Variants in TRIOBP observed in about 807,000 individuals in gnomAD.
TRIOBP encodes TRIO and F-actin-binding protein.
TRIOBP carries 169 observed loss-of-function variants against 238.8 expected under a neutral mutation model. The observed-to-expected ratio is 0.71, with a 90% confidence interval of 0.62 to 0.80. The LOEUF is 0.80. TRIOBP is among the 30% of genes least tolerant of loss of function. The probability of loss-of-function intolerance (pLI) is 0.00; values close to 1 mark genes in which losing one functional copy is unlikely to be tolerated. For missense variants in TRIOBP, 2,838 were observed against 3,122.6 expected (o/e 0.91, Z 2.17); for synonymous variants, 1,150 against 1,274.4 (o/e 0.90, Z 2.08).
At chr22:37,742,543 G>GT (rs1338559420) in intron 11 of TRIOBP, among the ~76,000 whole-genome samples, 2 of 152,176 alleles carry the variant, frequency 1.3e-5, no homozygotes, top group Admixed American at 1.3e-4. Context: ...GATTACAGGC[G>GT]TGAGTCACCC....
rs1335417864 is a variant in TRIOBP at position 37,723,837 on chromosome 22, C to G, written c.1281C>G (p.Asn427Lys). ...TSSPNRATRD[N>K]PRTSCAQRDN... ...CTCCCAATAGAGCCACACGAGACAA[C>G]CCCAGAACATCCTGCGCCCAGCGGG... The change falls in exon 7 of 24, where the codon AAC becomes AAG. Residue 427 changes from asparagine to lysine, a missense_variant. Coordinates refer to ENST00000644935, the MANE Select transcript of TRIOBP (RefSeq NM_001039141.3). The G allele has an allele frequency of 6.3e-7, 1 of 1,596,188 alleles. No homozygotes were observed.
chr22:37,760,530 A>G (rs1926188994), intron 17 of TRIOBP, among the ~76,000 whole-genome samples: 1 of 152,252 alleles, frequency 6.6e-6, no homozygotes, highest in South Asian at 2.1e-4. Flanking sequence ...TTTAGGAAGT[A>G]ATAAATTTGA....
In TRIOBP at chr22:37,769,249, G is replaced by A. The variant is rs780863528; in HGVS notation, c.6736-13G>A. The A allele has an allele frequency of 1.2e-5, 19 of 1,607,698 alleles. No homozygotes were observed. The highest frequency in any genetic ancestry group is 2.2e-5 in the East Asian group (1 of 44,476). On this transcript the variant is annotated splice_polypyrimidine_tract_variant and intron_variant, in intron 20 of 23. Transcript: ENST00000644935. ...TCCCGGCACCCCTCCCCTGACCACC[G>A]TGCCTCTCCCAGGAGCTGCATGGCC...
intron 12 of TRIOBP, among the ~76,000 whole-genome samples, chr22:37,752,831 G>A (rs914132786): frequency 4.6e-5 from 7 of 152,104 alleles, no homozygotes; most frequent in African/African-American, 9.7e-5. Context: ...TGGAATGTCC[G>A]AACTGGAAGG....
chr22:37,751,119 C>T, intron 11 of TRIOBP: 1 of 436,738 alleles, frequency 2.3e-6, no homozygotes, highest in Non-Finnish European at 4.7e-6. Flanking sequence ...GTGGGGGTGC[C>T]TGGCACAGGT....
At chr22:37,768,936 A>G in intron 19 of TRIOBP, 92 bp from the exon 20 acceptor site, 1 of 1,571,578 alleles carries the variant, frequency 6.4e-7, no homozygotes, top group Non-Finnish European at 8.7e-7. Context: ...GGAACCCCAG[A>G]GTCCTGGGAT....
At position 37,723,643 on chromosome 22, in the gene TRIOBP, A is replaced by G. The variant is rs771003885; in HGVS notation, c.1087A>G (p.Asn363Asp). ...CAGAACCTCTTCTACCCAGCAGGACAACCCCCAAACTTCTTTTCCTACTTG... is the reference window on the plus strand; with the variant it reads ...CAGAACCTCTTCTACCCAGCAGGACGACCCCCAAACTTCTTTTCCTACTTG... ...NPRTSSTQQD[N>D]PQTSFPTCTP... Residue 363 changes from asparagine (N) to aspartate (D), a missense_variant, in exon 7 of 24, where the codon AAC becomes GAC. Coordinates refer to ENST00000644935, the MANE Select transcript of TRIOBP (RefSeq NM_001039141.3). 2 of 1,613,958 alleles carry G rather than the reference A, an allele frequency of 1.2e-6. No individual in the cohort carries two copies. The highest frequency in any genetic ancestry group is 1.7e-6 in the Non-Finnish European group (2 of 1,180,002).
At chr22:37,745,988 G>A (rs1438444882) in intron 11 of TRIOBP, among the ~76,000 whole-genome samples, 1 of 147,558 alleles carries the variant, frequency 6.8e-6, no homozygotes, top group East Asian at 2.0e-4. Context: ...CGCGGCCCGG[G>A]CCCGCCCGCC....
intron 11 of TRIOBP, chr22:37,746,492 C>T (rs1214465245): frequency 5.5e-6 from 7 of 1,279,866 alleles, no homozygotes; most frequent in Non-Finnish European, 4.1e-6. Flanking sequence ...AGCCCAGCCT[C>T]TCCCCTCCGG....
intron 17 of TRIOBP, 127 bp downstream of exon 17, chr22:37,759,391 C>T (rs189521194): frequency 1.7e-5 from 21 of 1,260,702 alleles, no homozygotes; most frequent in African/African-American, 1.0e-4. Context: ...ATTTGACATG[C>T]GTCATCTCAT....
chr22:37,740,799 T>C, intron 10 of TRIOBP, 96 bp from the exon 11 acceptor site: 1 of 1,526,958 alleles, frequency 6.5e-7, no homozygotes, highest in Non-Finnish European at 8.9e-7. Context: ...GGCTCCATGG[T>C]GGGGGGCACC....
chr22:37,713,121 G>C (rs976671626), intron 4 of TRIOBP, 89 bp from the exon 5 acceptor site: 1 of 1,240,014 alleles, frequency 8.1e-7, no homozygotes, highest in African/African-American at 1.5e-5. Context: ...TGGGCCCCAG[G>C]CTCCCTGTGT....
Position 37,767,711 on chromosome 22 carries a change from G to C in TRIOBP, c.6473-363G>C, listed in dbSNP as rs142209285. On this transcript the variant is annotated intron_variant, in intron 18 of 23. Coordinates refer to ENST00000644935, the MANE Select transcript of TRIOBP (RefSeq NM_001039141.3). ...GTTTGAGAGCCCTCAGAGTCTGCAG[G>C]GGGGGTGTACTAGGTGGGGTCCTAC... is the stretch of plus-strand genomic sequence containing the variant. 7.9e-3 allele frequency among the ~76,000 whole-genome samples: 1,197 copies of C among 152,244 alleles called. 16 individuals carry two copies. Among genetic ancestry groups the C allele is most frequent in the African/African-American group, 0.027 (1,129 of 41,532 alleles).
chr22:37,719,269 G>A lies in TRIOBP; in HGVS notation c.628+3335G>A, dbSNP rs1569038226. On this transcript the variant is annotated intron_variant, in intron 6 of 23. Coordinates refer to ENST00000644935, the MANE Select transcript of TRIOBP (RefSeq NM_001039141.3). ...GGTTGTGGGGTGAGGAGGGGACAGA[G>A]AAGGAGAGAGGTTTAGGAGGCAGAC... 1.3e-5 allele frequency among the ~76,000 whole-genome samples: 2 copies of A among 152,052 alleles called. 1 individual carries two copies. Among genetic ancestry groups the A allele is most frequent in the South Asian group, 4.2e-4 (2 of 4,806 alleles).
intron 11 of TRIOBP, among the ~76,000 whole-genome samples, chr22:37,745,955 C>T (rs1269815900): frequency 6.6e-6 from 1 of 151,724 alleles, no homozygotes; most frequent in Non-Finnish European, 1.5e-5. Context: ...GCACCCTGGG[C>T]CCTTCCTTCC....
chr22:37,769,346 A>G lies in TRIOBP; in HGVS notation c.6820A>G (p.Ser2274Gly), dbSNP rs1196649819. The G allele has an allele frequency of 6.2e-7, 1 of 1,609,836 alleles. No homozygotes were observed. The highest frequency in any genetic ancestry group is 1.7e-5 in the Admixed American group (1 of 59,816). ...GGGCATGGGCAATGGCTGCGGGCGC[A>G]GCAACGAGCGGAGTTCCTGCGAGCT... ...SQGMGNGCGR[S>G]NERSSCELEV... The change falls in exon 21 of 24, where the codon AGC becomes GGC. Residue 2274 changes from serine (S) to glycine (G), a missense_variant. By Grantham distance (56) the Ser-to-Gly change is moderately conservative (BLOSUM62 0). Around this residue, in one of 5 missense-constraint regions of TRIOBP, gnomAD observed 2,096 missense variants for 2,137.4 expected, o/e 0.98. Transcript: ENST00000644935.
intron 6 of TRIOBP, among the ~76,000 whole-genome samples, chr22:37,720,711 C>T (rs1394910713): frequency 2.6e-5 from 4 of 152,028 alleles, no homozygotes; most frequent in African/African-American, 9.7e-5. Context: ...TGGGGGCTCA[C>T]TATGTTGCCC....
rs1924160280 is a variant in TRIOBP, at chr22:37,726,359, A to G, written c.3803A>G (p.Glu1268Gly). 6.2e-7 allele frequency: 1 copy of G among 1,606,940 alleles called. No individual in the cohort carries two copies. Residue 1268 changes from glutamate to glycine, a missense_variant, in exon 7 of 24, where the codon GAG (glutamate) becomes GGG (glycine). By Grantham distance (98) the Glu-to-Gly change is moderately conservative. Transcript: ENST00000644935. ...PGETRHNLER[E>G]EYTVLADLPP... Reference sequence around the variant, plus strand: ...GAGACCAGGCACAACTTGGAGCGGGAGGAGTACACTGTGCTGGCCGACCTG... The same window carrying G: ...GAGACCAGGCACAACTTGGAGCGGGGGGAGTACACTGTGCTGGCCGACCTG...
chr22:37,715,810 C>A lies in TRIOBP; in HGVS notation c.504C>A (p.Asp168Glu), dbSNP rs116448422. 1.0e-3 allele frequency: 1,681 copies of A among 1,614,076 alleles called. 18 individuals carry two copies. The African/African-American group carries it at 0.02, about 19-fold the overall frequency. ...AGGAGGAGGAGGCCCCCAGCTGGGA[C>A]GAGCTCGCAGTGATGATCCCGAGGA... Reference protein sequence around the residue: ...ERQEEEAPSWDELAVMIPRRP... With the variant: ...ERQEEEAPSWEELAVMIPRRP... Residue 168 changes from aspartate to glutamate, a missense_variant, in exon 6 of 24, where the codon GAC (aspartate) becomes GAA (glutamate). By Grantham distance (45) the Asp-to-Glu change is conservative (BLOSUM62 2). Transcript: ENST00000644935.
Sources: allele counts gnomAD v4.1 joint callset (sites outside exome capture counted in the v4.1 genomes callset), GRCh38; gene constraint gnomAD v4.1.1; regional missense constraint gnomAD v4.1.1; transcripts MANE v1.5; gene names NCBI Gene and HGNC (gene_info 2026-07-23, HGNC 2026-07-21).